The following CCSER2 variants were observed in gnomAD, a reference collection of about 807,000 sequenced individuals.
CCSER2 encodes serine-rich coiled-coil domain-containing protein 2.
Under a neutral mutation model 92.3 loss-of-function variants are expected in CCSER2, and 46 were observed. That is an observed-to-expected ratio of 0.50 (90% CI 0.39 to 0.64). The LOEUF is 0.64. Among genes scored for constraint, CCSER2 ranks in the 30% least tolerant of loss-of-function variants. CCSER2 has a pLI of 0.00. For missense variants in CCSER2, 1,244 were observed against 1,238.9 expected, an observed-to-expected ratio of 1.00 and a Z score of -0.06; for synonymous variants, 433 against 431.4, an observed-to-expected ratio of 1.00 and a Z score of -0.04.
chr10:84,429,371 C>G (rs1302884756), intron 5 of CCSER2, among the ~76,000 whole-genome samples: 1 of 152,038 alleles, frequency 6.6e-6, no homozygotes, highest in African/African-American at 2.4e-5. Context: ...GTGAGGTGTT[C>G]AAGTCTCCAA....
At chr10:84,409,172 A>G (rs1013320701) in intron 3 of CCSER2, among the ~76,000 whole-genome samples, 1 of 151,700 alleles carries the variant, frequency 6.6e-6, no homozygotes, top group Non-Finnish European at 1.5e-5. Context: ...TGTATTTTTA[A>G]TAAAGACGGA....
intron 6 of CCSER2, among the ~76,000 whole-genome samples, chr10:84,440,692 C>T (rs918259428): frequency 1.3e-5 from 2 of 152,200 alleles, no homozygotes; most frequent in South Asian, 4.1e-4. Flanking sequence ...TGGAATATAT[C>T]TTTAATTTAC....
intron 7 of CCSER2, among the ~76,000 whole-genome samples, chr10:84,468,674 A>G (rs573902763): frequency 2.0e-5 from 3 of 152,314 alleles, no homozygotes; most frequent in Non-Finnish European, 4.4e-5. Context: ...ATAGTGTTCC[A>G]TGAAGTTGCT....
chr10:84,389,450 A>G (rs7899482), intron 3 of CCSER2: 26,310 of 418,848 alleles, frequency 0.063, 3,957 homozygotes, highest in African/African-American at 0.39. Context: ...TACCACGTCA[A>G]TCTGGGCCTG....
chr10:84,445,556 T>A (rs1329895084), intron 6 of CCSER2, among the ~76,000 whole-genome samples: 2 of 152,194 alleles, frequency 1.3e-5, no homozygotes, highest in Admixed American at 1.3e-4. Context: ...TTAATGAATT[T>A]TCAGAAACTG....
intron 1 of CCSER2, among the ~76,000 whole-genome samples, chr10:84,338,285 A>G (rs1218677358): frequency 1.3e-5 from 1 of 77,580 alleles, no homozygotes; most frequent in Non-Finnish European, 2.4e-5. Flanking sequence ...ACTCCAAAGA[A>G]AAACTTAAAA....
intron 3 of CCSER2, among the ~76,000 whole-genome samples, chr10:84,407,025 C>G (rs1435757284): frequency 6.6e-6 from 1 of 152,168 alleles, no homozygotes; most frequent in Non-Finnish European, 1.5e-5. Context: ...TTGCCTAAAG[C>G]AGATGTTAGA....
At position 84,373,605 on chromosome 10, in the gene CCSER2, T is replaced by C; in HGVS notation, c.1418-14T>C. 1 of 1,587,608 alleles carries C rather than the reference T, an allele frequency of 6.3e-7. No individual in the cohort carries two copies. Among genetic ancestry groups the C allele is most frequent in the Non-Finnish European group, 8.6e-7 (1 of 1,159,938 alleles). On this transcript the variant is annotated splice_polypyrimidine_tract_variant and intron_variant, in intron 2 of 9. Coordinates refer to ENST00000372088, the MANE Select transcript of CCSER2 (RefSeq NM_001284240.2). The stretch of plus-strand genomic sequence containing the variant: ...TTATATTTTTGTGAATCAGTAACCT[T>C]TTTTCTCTTGAAGACAGGAGTGAAT...
chr10:84,387,578 G>C (rs1057216071), intron 3 of CCSER2, among the ~76,000 whole-genome samples: 2 of 151,966 alleles, frequency 1.3e-5, no homozygotes, highest in Non-Finnish European at 2.9e-5. Flanking sequence ...GCCCAGGCTG[G>C]AGTGCAGTGG....
chr10:84,444,294 A>AT (rs1158640939), intron 6 of CCSER2, among the ~76,000 whole-genome samples: 3 of 152,124 alleles, frequency 2.0e-5, no homozygotes, highest in Non-Finnish European at 2.9e-5. Context: ...CCAAATTGTT[A>AT]TTTTTTTAAA....
At chr10:84,464,119 G>T in intron 7 of CCSER2, 103 bp downstream of exon 7, 3 of 587,360 alleles carry the variant, frequency 5.1e-6, no homozygotes, top group East Asian at 3.1e-5. Context: ...AATACCTAAA[G>T]CATCAGGTTT....
intron 1 of CCSER2, among the ~76,000 whole-genome samples, chr10:84,362,824 TTTTATTTTAA>T (rs1210471087): frequency 2.6e-5 from 4 of 151,608 alleles, no homozygotes; most frequent in African/African-American, 9.7e-5. Flanking sequence ...TTTTATTTTA[TTTTATTTTAA>T]TTTATTTTAT....
At chr10:84,367,071 A>C (rs572110821) in intron 1 of CCSER2, among the ~76,000 whole-genome samples, 41 of 152,166 alleles carry the variant, frequency 2.7e-4, no homozygotes, top group Non-Finnish European at 1.0e-4. Flanking sequence ...GTATATTCCA[A>C]GTTTAAAAAA....
chr10:84,329,330 C>T (rs1284002294), intron 1 of CCSER2, among the ~76,000 whole-genome samples: 1 of 152,210 alleles, frequency 6.6e-6, no homozygotes, highest in Non-Finnish European at 1.5e-5. Flanking sequence ...AAATAATGCA[C>T]CTACTTTCTT....
At chr10:84,351,598 G>A (rs1844861678) in intron 1 of CCSER2, among the ~76,000 whole-genome samples, 1 of 152,098 alleles carries the variant, frequency 6.6e-6, no homozygotes, top group African/African-American at 2.4e-5. Flanking sequence ...TGGAACTCCT[G>A]GGCTTAAGTG....
intron 1 of CCSER2, among the ~76,000 whole-genome samples, chr10:84,356,540 AT>A (rs1248855685): frequency 2.0e-5 from 3 of 152,210 alleles, no homozygotes; most frequent in African/African-American, 7.2e-5. Flanking sequence ...TTTTAAAAAA[AT>A]GTTTTATGCC....
At chr10:84,333,470 C>T (rs1000361283) in intron 1 of CCSER2, among the ~76,000 whole-genome samples, 1 of 152,150 alleles carries the variant, frequency 6.6e-6, no homozygotes, top group Non-Finnish European at 1.5e-5. Context: ...GGAACTGGAA[C>T]TCAGTCAGCC....
intron 1 of CCSER2, among the ~76,000 whole-genome samples, chr10:84,336,883 C>A (rs76312173): frequency 0.047 from 7,091 of 152,238 alleles, 234 homozygotes; most frequent in East Asian, 0.16. Flanking sequence ...GAAGTGCCCA[C>A]ATTTTGTATA....
At chr10:84,343,503 G>A (rs1385681776) in intron 1 of CCSER2, among the ~76,000 whole-genome samples, 1 of 152,170 alleles carries the variant, frequency 6.6e-6, no homozygotes, top group Non-Finnish European at 1.5e-5. Flanking sequence ...TTTGGTTATA[G>A]CCAGTAGGAA....
Sources: gnomAD v4.1 joint callset for allele counts (sites outside exome capture counted in the v4.1 genomes callset) on GRCh38, gnomAD v4.1.1 for gene constraint, MANE v1.5 for transcripts, NCBI Gene and HGNC (gene_info 2026-07-23, HGNC 2026-07-21) for gene names.